Variants in HSP90AA1 observed in about 807,000 individuals in gnomAD.
HSP90AA1 encodes the protein heat shock protein 90 alpha family class A member 1.
In HSP90AA1, 18 loss-of-function variants were observed where a neutral mutation model predicts 73.3. That is an observed-to-expected ratio of 0.25 (90% CI 0.17 to 0.36). The LOEUF is 0.36. Ranked by LOEUF, HSP90AA1 falls within the 10% of genes least tolerant of loss-of-function variation. The probability of loss-of-function intolerance (pLI) is 1.00; values close to 1 mark genes in which losing one functional copy is unlikely to be tolerated. For synonymous variants in HSP90AA1, 477 were observed against 296.9 expected, an observed-to-expected ratio of 1.61 and a Z score of -6.24; for missense variants, 704 against 874.2, an observed-to-expected ratio of 0.81 and a Z score of 2.45.
intron 1 of HSP90AA1, among the ~76,000 whole-genome samples, chr14:102,127,895 C>T (rs2049858244): frequency 6.6e-6 from 1 of 152,090 alleles, no homozygotes; most frequent in Admixed American, 6.6e-5. Context: ...TATCCTCTTG[C>T]CTCGGCCTCC....
upstream of HSP90AA1, among the ~76,000 whole-genome samples, chr14:102,088,291 CT>C (rs1194286593): frequency 6.6e-6 from 1 of 152,280 alleles, no homozygotes; most frequent in Non-Finnish European, 1.5e-5. Context: ...AGTCCATGTC[CT>C]CTTCCTCTTT....
intron 1 of HSP90AA1, among the ~76,000 whole-genome samples, chr14:102,123,933 T>C (rs2049810100): frequency 6.6e-6 from 1 of 152,052 alleles, no homozygotes; most frequent in African/African-American, 2.4e-5. Flanking sequence ...CCCCAGCAGC[T>C]GGGACTACAG....
chr14:102,132,745 G>T (rs970354021), intron 1 of HSP90AA1, among the ~76,000 whole-genome samples: 1 of 152,070 alleles, frequency 6.6e-6, no homozygotes, highest in Non-Finnish European at 1.5e-5. Context: ...GATCACTTGA[G>T]GTCAGGAGTT....
At chr14:102,106,514 C>T (rs982749547) in intron 1 of HSP90AA1, among the ~76,000 whole-genome samples, 4 of 150,524 alleles carry the variant, frequency 2.7e-5, no homozygotes, top group Admixed American at 6.7e-5. Context: ...CCAGTGTGCC[C>T]GCCTGAGCTC....
chr14:102,103,726 C>T (rs1222070328), intron 1 of HSP90AA1, among the ~76,000 whole-genome samples: 2 of 151,690 alleles, frequency 1.3e-5, no homozygotes, highest in East Asian at 3.9e-4. Flanking sequence ...ATTGCTTGAA[C>T]CTAGGAGGCA....
intron 1 of HSP90AA1, among the ~76,000 whole-genome samples, chr14:102,102,966 G>T (rs1225056025): frequency 6.6e-6 from 1 of 151,920 alleles, no homozygotes; most frequent in Non-Finnish European, 1.5e-5. Flanking sequence ...ATGACCTGAG[G>T]TCAGGAGTTT....
Position 102,080,964 on chromosome 14 carries a change from C to G in HSP90AA1, c.*748G>C, listed in dbSNP as rs2152609041. The G allele has an allele frequency of 4.4e-6, 1 of 227,702 alleles. No individual in the cohort carries two copies. Among genetic ancestry groups the G allele is most frequent in the South Asian group, 1.8e-4 (1 of 5,498 alleles). 14.1% of individuals were successfully genotyped at this position (227,702 alleles called of 1,614,324 possible). A position where few individuals can be genotyped will look rare whatever the true frequency, so the allele number is the denominator to read the frequency against. On this transcript the variant is annotated 3_prime_UTR_variant, in exon 11 of 11. Transcript: ENST00000216281. The stretch of plus-strand genomic sequence containing the variant: ...GCAGCTAGTGTTTAACCATCTCCTG[C>G]TAGCGCCTCATGTTTTACATTTTGG...
chr14:102,121,548 T>C (rs1173823451), intron 1 of HSP90AA1, among the ~76,000 whole-genome samples: 1 of 152,240 alleles, frequency 6.6e-6, no homozygotes, highest in East Asian at 1.9e-4. Context: ...ATGCCTGTTT[T>C]TTTTCTCACC....
chr14:102,097,213 T>G (rs1458867579), intron 2 of HSP90AA1, among the ~76,000 whole-genome samples: 1 of 151,814 alleles, frequency 6.6e-6, no homozygotes, highest in East Asian at 1.9e-4. Context: ...CTCAAACTCC[T>G]GACCTCAGAT....
chr14:102,134,618 G>T (rs572172113), intron 1 of HSP90AA1, among the ~76,000 whole-genome samples: 3 of 152,100 alleles, frequency 2.0e-5, no homozygotes, highest in African/African-American at 7.2e-5. Flanking sequence ...AGACCTTCAC[G>T]GTGAGTATTA....
chr14:102,085,449 AAAATTGACT>A lies in HSP90AA1; in HGVS notation c.530-27_530-19del, dbSNP rs1566720737. The A allele has an allele frequency of 6.7e-7, 1 of 1,487,478 alleles. No homozygotes were observed. 92.1% of individuals were successfully genotyped at this position (1,487,478 alleles called of 1,614,324 possible). On this transcript the variant is annotated intron_variant, in intron 3 of 10. Coordinates refer to ENST00000216281, the MANE Select transcript of HSP90AA1 (RefSeq NM_005348.4). The stretch of plus-strand genomic sequence containing the variant: ...AGGTTCACCTGCAAGAGAAGAAAGA[AAAATTGACT>A]TAATACATTCAATTTAGTGCTCAAC...
intron 2 of HSP90AA1, among the ~76,000 whole-genome samples, chr14:102,100,989 T>G (rs959504235): frequency 3.9e-5 from 6 of 152,270 alleles, no homozygotes; most frequent in Middle Eastern, 3.4e-3. Flanking sequence ...TAGTCAGTAT[T>G]TTAGTACCTC....
At chr14:102,085,263 A>G (rs1371024713) in intron 4 of HSP90AA1, 35 bp downstream of exon 4, 1 of 1,600,690 alleles carries the variant, frequency 6.2e-7, no homozygotes. Flanking sequence ...TCACCTACAG[A>G]CAGAAATTCA....
In HSP90AA1 at chr14:102,086,029, A is replaced by C. The variant is rs1467798828; in HGVS notation, c.258T>G (p.Asp86Glu). ...CAGTATCCACAATAGTGAGAGTTCG[A>C]TCTTGTTTGTTCGGTATAAGGTTAA... ...LHINLIPNKQ[D>E]RTLTIVDTGI... Residue 86 changes from aspartate (D) to glutamate (E), a missense_variant, in exon 3 of 11, where the codon GAT becomes GAG. Coordinates refer to ENST00000216281, the MANE Select transcript of HSP90AA1 (RefSeq NM_005348.4). The C allele has an allele frequency of 1.2e-6, 2 of 1,613,894 alleles. No individual in the cohort carries two copies. Among genetic ancestry groups the C allele is most frequent in the Non-Finnish European group, 1.7e-6 (2 of 1,179,852 alleles).
At chr14:102,085,241 C>T (rs2152612240) in intron 4 of HSP90AA1, 57 bp downstream of exon 4, 1 of 1,558,124 alleles carries the variant, frequency 6.4e-7, no homozygotes, top group Non-Finnish European at 8.8e-7. Flanking sequence ...GGATGTAGTA[C>T]AGTCACCCCA....
At position 102,085,704 on chromosome 14, in the gene HSP90AA1, G is replaced by T. The variant is rs1329462946; in HGVS notation, c.529+54C>A. 1.9e-6 allele frequency: 3 copies of T among 1,612,538 alleles called. No individual in the cohort carries two copies. In the African/African-American group the frequency reaches 4.0e-5, roughly 22 times the overall value. ...CCGCATCCCCAGGGGTCCAAGGGTT[G>T]CAGCACCCCACCCTTCCACCGCTCA... On this transcript the variant is annotated intron_variant, in intron 3 of 10. Coordinates refer to ENST00000216281, the MANE Select transcript of HSP90AA1 (RefSeq NM_005348.4).
In HSP90AA1 at chr14:102,116,108, C is replaced by A. The variant is rs143499093; in HGVS notation, c.156-14023G>T. The stretch of plus-strand genomic sequence containing the variant: ...TTGAGACTACAGGTGCCCGCCACCA[C>A]GCCCAACTAATTTTTTTTGTATTTT... On this transcript the variant is annotated intron_variant, in intron 1 of 11. Transcript: ENST00000334701. Among the ~76,000 whole-genome samples, 7 of 152,182 alleles carry A rather than the reference C, an allele frequency of 4.6e-5. No homozygotes were observed. In the East Asian group the frequency reaches 5.8e-4, roughly 13 times the overall value.
chr14:102,108,263 CA>C (rs34157305), intron 1 of HSP90AA1, among the ~76,000 whole-genome samples: 184 of 79,868 alleles, frequency 2.3e-3, no homozygotes, highest in African/African-American at 7.7e-3. Flanking sequence ...ACCTTGTCTC[CA>C]AAAAAAAAAA....
chr14:102,088,402 A>C (rs192355704), upstream of HSP90AA1, among the ~76,000 whole-genome samples: 8 of 152,330 alleles, frequency 5.3e-5, no homozygotes, highest in East Asian at 1.5e-3. Context: ...GAAACGATGG[A>C]ACTACCTCCG....
Sources: allele counts gnomAD v4.1 joint callset (sites outside exome capture counted in the v4.1 genomes callset), GRCh38; gene constraint gnomAD v4.1.1; transcripts MANE v1.5; gene names NCBI Gene and HGNC (gene_info 2026-07-23, HGNC 2026-07-21).